The following TMEM132E variants were observed in gnomAD, a reference collection of about 807,000 sequenced individuals.
TMEM132E encodes the protein transmembrane protein 132E.
In TMEM132E, 49 loss-of-function variants were observed where a neutral mutation model predicts 78.5. The observed-to-expected ratio is 0.62, with a 90% CI of 0.50 to 0.79. The LOEUF is 0.79. Among genes scored for constraint, TMEM132E ranks in the 30% least tolerant of loss-of-function variants. The pLI, the probability that TMEM132E is intolerant of heterozygous loss-of-function variation, is 0.00. For synonymous variants in TMEM132E, 715 were observed against 670.6 expected, an observed-to-expected ratio of 1.07 and a Z score of -1.02; for missense variants, 1,403 against 1,470.9, an observed-to-expected ratio of 0.95 and a Z score of 0.75.
At chr17:34,617,077 CAA>C (rs1906807032) in intron 1 of TMEM132E, among the ~76,000 whole-genome samples, 1 of 152,210 alleles carries the variant, frequency 6.6e-6, no homozygotes, top group African/African-American at 2.4e-5. Context: ...CCACCGGGCC[CAA>C]GTCATCACCT....
intron 1 of TMEM132E, among the ~76,000 whole-genome samples, chr17:34,590,438 C>T (rs940813843): frequency 6.6e-6 from 1 of 152,178 alleles, no homozygotes; most frequent in Non-Finnish European, 1.5e-5. Flanking sequence ...GCAAAGGATA[C>T]AGAGCATTGT....
At chr17:34,593,823 AC>A (rs1322836077) in intron 1 of TMEM132E, among the ~76,000 whole-genome samples, 1 of 152,216 alleles carries the variant, frequency 6.6e-6, no homozygotes, top group Non-Finnish European at 1.5e-5. Context: ...CAAAGTCCTC[AC>A]AGTAGCTCAT....
At position 34,580,151 on chromosome 17, in the gene TMEM132E, A is replaced by G. The variant is rs1905412818; in HGVS notation, c.-926A>G. On this transcript the variant is annotated 5_prime_UTR_variant, in exon 1 of 9. The change abolishes an upstream ATG in the 5' untranslated region. Coordinates refer to ENST00000631683, the MANE Select transcript of TMEM132E (RefSeq NM_001304438.2). ...AGCCCCTCTGCATCTTACAGCGTTT[A>G]TGGTCATCAAGCTGGAGTCGACGTC... 1 of 152,334 alleles carries G rather than the reference A, an allele frequency of 6.6e-6. No individual in the cohort carries two copies. Among genetic ancestry groups the G allele is most frequent in the African/African-American group, 2.4e-5 (1 of 41,438 alleles). 9.4% of individuals were successfully genotyped at this position (152,334 alleles called of 1,614,324 possible).
chr17:34,603,193 C>T (rs1247773776), intron 1 of TMEM132E, among the ~76,000 whole-genome samples: 3 of 152,110 alleles, frequency 2.0e-5, no homozygotes, highest in Non-Finnish European at 2.9e-5. Flanking sequence ...AGACCCTGAC[C>T]TCGTAGCCAT....
rs182498102 is a variant in TMEM132E, at chr17:34,587,090, G to A, written c.67+5947G>A. Reference sequence around the variant, plus strand: ...CTGTTTCCCTGGGCCTATCTTTCACGACCACTGGAGCTGGAGAATGAGGTT... The same window carrying A: ...CTGTTTCCCTGGGCCTATCTTTCACAACCACTGGAGCTGGAGAATGAGGTT... On this transcript the variant is annotated intron_variant, in intron 1 of 8. Transcript: ENST00000631683. 2.1e-3 allele frequency among the ~76,000 whole-genome samples: 326 copies of A among 152,186 alleles called. 1 individual carries two copies. Among genetic ancestry groups the A allele is most frequent in the South Asian group, 0.012 (56 of 4,814 alleles).
rs1907596524 is a variant in TMEM132E, at chr17:34,638,016, C to A, written c.3009C>A (p.Ala1003=). Residue 1003 remains alanine, a synonymous_variant, in exon 9 of 9, where the codon GCC becomes GCA. Coordinates refer to ENST00000631683, the MANE Select transcript of TMEM132E (RefSeq NM_001304438.2). ...GSARDQAEDP[A]SSPTSKRKRV... ...CCCGAGACCAAGCCGAGGACCCCGC[C>A]AGCTCGCCCACCTCCAAGCGCAAGC... 5 of 1,577,322 alleles carry A rather than the reference C, an allele frequency of 3.2e-6. No homozygotes were observed. The highest frequency in any genetic ancestry group is 4.3e-6 in the Non-Finnish European group (5 of 1,161,720).
chr17:34,632,785 G>A lies in TMEM132E; in HGVS notation c.1564G>A (p.Asp522Asn), dbSNP rs751132995. The part of the protein sequence containing the change: ...SMNARVTFRY[D>N]VLNAPLEMTV... Reference sequence around the variant, plus strand: ...GAACGCCAGGGTCACCTTCCGCTACGACGTCCTCAATGCTCCCCTGGAAAT... The same window carrying A: ...GAACGCCAGGGTCACCTTCCGCTACAACGTCCTCAATGCTCCCCTGGAAAT... Residue 522 changes from aspartate (D) to asparagine (N), a missense_variant, in exon 6 of 9, where the codon GAC (aspartate) becomes AAC (asparagine). This residue lies in a region of TMEM132E where 888 missense variants were observed against 952.8 expected (regional missense o/e 0.93). Coordinates refer to ENST00000631683, the MANE Select transcript of TMEM132E (RefSeq NM_001304438.2). 2.5e-5 allele frequency: 41 copies of A among 1,614,072 alleles called. No individual in the cohort carries two copies. The highest frequency in any genetic ancestry group is 2.5e-4 in the Admixed American group (15 of 59,998).
At chr17:34,600,930 A>T (rs1171111579) in intron 1 of TMEM132E, among the ~76,000 whole-genome samples, 1 of 152,204 alleles carries the variant, frequency 6.6e-6, no homozygotes, top group Non-Finnish European at 1.5e-5. Context: ...GGCCCTCGCC[A>T]GCTCACGGCA....
At position 34,629,221 on chromosome 17, in the gene TMEM132E, C is replaced by G; in HGVS notation, c.1338+17C>G. ...CTGGCCATGGTGAGCAGGCAGGTGA[C>G]CAGCCCAGAAGATGCCTGGGTCTAT... On this transcript the variant is annotated intron_variant, in intron 4 of 8. Transcript: ENST00000631683. The G allele has an allele frequency of 6.2e-7, 1 of 1,612,542 alleles. No individual in the cohort carries two copies. The highest frequency in any genetic ancestry group is 2.2e-5 in the East Asian group (1 of 44,852).
At position 34,621,873 on chromosome 17, in the gene TMEM132E, C is replaced by T. The variant is rs563039293; in HGVS notation, c.68-4254C>T. Among the ~76,000 whole-genome samples the T allele has an allele frequency of 2.6e-4, 39 of 152,076 alleles. No homozygotes were observed. The South Asian group carries it at 8.1e-3, about 32-fold the overall frequency. On this transcript the variant is annotated intron_variant, in intron 1 of 8. Transcript: ENST00000631683. Reference sequence around the variant, plus strand: ...GTCAGTCTGGAGGGCATAGGCACACCTTAGTGTTGTGCGTCCAAGGTGGGT... The same window carrying T: ...GTCAGTCTGGAGGGCATAGGCACACTTTAGTGTTGTGCGTCCAAGGTGGGT...
intron 1 of TMEM132E, among the ~76,000 whole-genome samples, chr17:34,586,289 G>C (rs1034448000): frequency 6.6e-6 from 1 of 151,970 alleles, no homozygotes; most frequent in Non-Finnish European, 1.5e-5. Flanking sequence ...AGTTGTGTGT[G>C]TGTGTGTGTG....
At chr17:34,636,339 A>G (rs142405772) in intron 8 of TMEM132E, 141 bp downstream of exon 8, 8 of 861,396 alleles carry the variant, frequency 9.3e-6, no homozygotes, top group Middle Eastern at 3.3e-4. Context: ...GCCCTGCACA[A>G]CTGCCCACCC....
In TMEM132E at chr17:34,638,265, C is replaced by CA. The variant is rs1555565381; in HGVS notation, c.*33_*34insA. ...AGCCGGAGTAGCAGGGACCCCCCCCCCCAACGGGGTCAGCTCGGGGTAGGA... is the reference window on the plus strand; with the variant it reads ...AGCCGGAGTAGCAGGGACCCCCCCCCACCAACGGGGTCAGCTCGGGGTAGGA... On this transcript the variant is annotated 3_prime_UTR_variant, in exon 9 of 9. Coordinates refer to ENST00000631683, the MANE Select transcript of TMEM132E (RefSeq NM_001304438.2). 8.0e-5 allele frequency: 118 copies of CA among 1,470,646 alleles called. No homozygotes were observed. The East Asian group carries it at 2.0e-3, about 25-fold the overall frequency. The allele number at this position is 1,470,646 out of a possible 1,614,324, so 91.1% of individuals were successfully genotyped here.
chr17:34,596,853 C>CAA (rs35038070), intron 1 of TMEM132E, among the ~76,000 whole-genome samples: 893 of 71,672 alleles, frequency 0.012, 8 homozygotes, highest in African/African-American at 0.028. Flanking sequence ...CTAAGTAGCT[C>CAA]AAAAAAAAAA....
rs1567716050 is a variant in TMEM132E at position 34,613,224 on chromosome 17, C to CGCGCGCGCGCGCGT, written c.68-12900_68-12899insCGCGCGCGCGTGCG. On this transcript the variant is annotated intron_variant, in intron 1 of 8. Coordinates refer to ENST00000631683, the MANE Select transcript of TMEM132E (RefSeq NM_001304438.2). The stretch of plus-strand genomic sequence containing the variant: ...ACACACACACACACGCGCGCGCGCG[C>CGCGCGCGCGCGCGT]GCGTTCTTACATTCTTTTTCCGTTG... Among the ~76,000 whole-genome samples the CGCGCGCGCGCGCGT allele has an allele frequency of 1.7e-4, 26 of 151,530 alleles. No individual in the cohort carries two copies. In the East Asian group the frequency reaches 2.2e-3, roughly 13 times the overall value.
At position 34,638,474 on chromosome 17, in the gene TMEM132E, G is replaced by A. The variant is rs999439980; in HGVS notation, c.*242G>A. Reference sequence around the variant, plus strand: ...CTCTTCCTCCAGTGGCTCGTAAGGAGGAAAGCAACCCCAGCCTCTGTTCTG... The same window carrying A: ...CTCTTCCTCCAGTGGCTCGTAAGGAAGAAAGCAACCCCAGCCTCTGTTCTG... On this transcript the variant is annotated 3_prime_UTR_variant, in exon 9 of 9. Coordinates refer to ENST00000631683, the MANE Select transcript of TMEM132E (RefSeq NM_001304438.2). 5 of 461,802 alleles carry A rather than the reference G, an allele frequency of 1.1e-5. No homozygotes were observed. Among genetic ancestry groups the A allele is most frequent in the Non-Finnish European group, 1.9e-5 (5 of 265,612 alleles). 28.6% of individuals were successfully genotyped at this position (461,802 alleles called of 1,614,324 possible). A position where few individuals can be genotyped will look rare whatever the true frequency, so the allele number is the denominator to read the frequency against.
At chr17:34,607,852 G>A (rs926352701) in intron 1 of TMEM132E, among the ~76,000 whole-genome samples, 1 of 152,132 alleles carries the variant, frequency 6.6e-6, no homozygotes, top group Non-Finnish European at 1.5e-5. Context: ...CCCGAGTGCA[G>A]GAGCTTCTGT....
chr17:34,586,856 G>A (rs1433068601), intron 1 of TMEM132E, among the ~76,000 whole-genome samples: 1 of 150,920 alleles, frequency 6.6e-6, no homozygotes, highest in Non-Finnish European at 1.5e-5. Context: ...ATCTCTTTTT[G>A]CCTAAATTAT....
intron 1 of TMEM132E, among the ~76,000 whole-genome samples, chr17:34,616,256 G>A (rs1432756717): frequency 1.3e-5 from 2 of 152,122 alleles, no homozygotes; most frequent in African/African-American, 4.8e-5. Context: ...CCTCCTGCTG[G>A]CCCCTCCCCA....
Sources: allele counts gnomAD v4.1 joint callset (sites outside exome capture counted in the v4.1 genomes callset), GRCh38; gene constraint gnomAD v4.1.1; regional missense constraint gnomAD v4.1.1; transcripts MANE v1.5; gene names NCBI Gene and HGNC (gene_info 2026-07-23, HGNC 2026-07-21).